TPD52L2: variants seen among roughly 807,000 people sequenced by gnomAD.
The protein encoded by TPD52L2 is TPD52 like 2, also known as tumor protein D54.
TPD52L2 carries 19 observed loss-of-function variants against 24.7 expected under a neutral mutation model. The observed-to-expected ratio is 0.77, with a 90% CI of 0.54 to 1.13. The LOEUF (loss-of-function observed/expected upper bound fraction) is 1.13. Ranked by LOEUF, TPD52L2 falls within the 50% of genes most tolerant of loss-of-function variation. The pLI is 0.00. For synonymous variants in TPD52L2, 104 were observed against 100.2 expected (o/e 1.04, Z -0.23); for missense variants, 236 against 250.4 (o/e 0.94, Z 0.39).
At chr20:63,867,394 C>T (rs1389201438) in intron 1 of TPD52L2, among the ~76,000 whole-genome samples, 3 of 152,036 alleles carry the variant, frequency 2.0e-5, no homozygotes, top group South Asian at 2.1e-4. Flanking sequence ...GCCAAAACCC[C>T]GTCTCTACTA....
At chr20:63,872,589 G>A (rs182976155) in intron 2 of TPD52L2, among the ~76,000 whole-genome samples, 21 of 152,070 alleles carry the variant, frequency 1.4e-4, no homozygotes, top group Non-Finnish European at 2.5e-4. Context: ...TGTTGGCCAG[G>A]CTGGTCTCAA....
intron 2 of TPD52L2, among the ~76,000 whole-genome samples, chr20:63,870,843 G>C (rs971593997): frequency 1.3e-5 from 2 of 149,692 alleles, no homozygotes; most frequent in Non-Finnish European, 3.0e-5. Context: ...TCAGCCTCCC[G>C]AATATCTGGG....
At position 63,871,372 on chromosome 20, in the gene TPD52L2, C is replaced by T. The variant is rs138194265; in HGVS notation, c.165+1931C>T. On this transcript the variant is annotated intron_variant, in intron 2 of 6. Transcript: ENST00000346249. The stretch of plus-strand genomic sequence containing the variant: ...AAGAGAATTTTTTTTTTTTTAAGGA[C>T]GGAGTCTCACTCTGTCGCCCAGGCT... 5.1e-3 allele frequency among the ~76,000 whole-genome samples: 765 copies of T among 149,860 alleles called. 6 individuals carry two copies. The highest frequency in any genetic ancestry group is 0.018 in the African/African-American group (720 of 40,570).
At chr20:63,886,015 G>A (rs2053080139) in intron 5 of TPD52L2, 1 of 1,614,166 alleles carries the variant, frequency 6.2e-7, no homozygotes, top group Non-Finnish European at 8.5e-7. Flanking sequence ...CCACCTTCCA[G>A]GGCTCATCCA....
intron 1 of TPD52L2, among the ~76,000 whole-genome samples, chr20:63,866,931 T>A (rs577992600): frequency 6.6e-6 from 1 of 151,634 alleles, no homozygotes; most frequent in Non-Finnish European, 1.5e-5. Context: ...AGGCGCACCA[T>A]GCCAGGTTAA....
At chr20:63,868,364 A>G (rs1194574365) in intron 1 of TPD52L2, among the ~76,000 whole-genome samples, 1 of 152,240 alleles carries the variant, frequency 6.6e-6, no homozygotes, top group Non-Finnish European at 1.5e-5. Flanking sequence ...ATTTGACATG[A>G]AGAAAAAACA....
chr20:63,880,978 A>C (rs1158740675), intron 4 of TPD52L2, among the ~76,000 whole-genome samples: 1 of 152,104 alleles, frequency 6.6e-6, no homozygotes, highest in Non-Finnish European at 1.5e-5. Context: ...TAATAAAAGA[A>C]GAAAAAATTT....
At chr20:63,869,556 C>T (rs1475349743) in intron 2 of TPD52L2, 115 bp downstream of exon 2, 3 of 1,329,900 alleles carry the variant, frequency 2.3e-6, no homozygotes, top group African/African-American at 1.4e-5. Flanking sequence ...TGGTCACCTA[C>T]CCTGCTCTGT....
chr20:63,888,274 CTCT>C (rs1212928251), intron 5 of TPD52L2: 1 of 153,666 alleles, frequency 6.5e-6, no homozygotes, highest in Non-Finnish European at 1.4e-5. Context: ...CTGCTTTCTC[CTCT>C]TGTCTCCTTA....
At position 63,869,464 on chromosome 20, in the gene TPD52L2, C is replaced by T. The variant is rs111465230; in HGVS notation, c.165+23C>T. ...AAGGTGCTGTGGCTTGGCTGTCTGT[C>T]CTGGGGTGAATTGGAGTTAAGGCCC... is the stretch of plus-strand genomic sequence containing the variant. On this transcript the variant is annotated intron_variant, in intron 2 of 6. Transcript: ENST00000346249. The T allele has an allele frequency of 1.3e-5, 21 of 1,612,074 alleles. No homozygotes were observed. In the African/African-American group the frequency reaches 1.5e-4, roughly 11 times the overall value.
At chr20:63,886,398 T>C (rs964987323) in intron 5 of TPD52L2, among the ~76,000 whole-genome samples, 2 of 151,740 alleles carry the variant, frequency 1.3e-5, no homozygotes, top group East Asian at 1.9e-4. Flanking sequence ...TCTTGCTCTG[T>C]CGCCCAGGTT....
chr20:63,881,447 A>C (rs374076116), intron 4 of TPD52L2, among the ~76,000 whole-genome samples: 1 of 152,050 alleles, frequency 6.6e-6, no homozygotes, highest in East Asian at 1.9e-4. Context: ...ATGCGCTGCC[A>C]GGGCACACTT....
chr20:63,886,183 A>C lies in TPD52L2; in HGVS notation c.477-3007A>C, dbSNP rs1463392145. The C allele has an allele frequency of 1.1e-5, 9 of 840,438 alleles. No individual in the cohort carries two copies. In the African/African-American group the frequency reaches 1.2e-4, roughly 11 times the overall value. 52.1% of individuals were successfully genotyped at this position (840,438 alleles called of 1,614,324 possible). A position where few individuals can be genotyped will look rare whatever the true frequency, so the allele number is the denominator to read the frequency against. On this transcript the variant is annotated intron_variant, in intron 5 of 6. Coordinates refer to ENST00000346249, the MANE Select transcript of TPD52L2 (RefSeq NM_003288.4). ...CCCTTCCAGGACAGCAGTGCCAGCC[A>C]GGTGGTTGCTGCATCTCAGGGAACA...
At chr20:63,887,671 C>T in intron 5 of TPD52L2, 6 of 1,507,834 alleles carry the variant, frequency 4.0e-6, no homozygotes, top group East Asian at 2.3e-5. Context: ...GGGCAGCTCC[C>T]GCCGGTTACA....
intron 5 of TPD52L2, among the ~76,000 whole-genome samples, chr20:63,884,066 C>A (rs906552491): frequency 5.9e-5 from 9 of 152,172 alleles, no homozygotes; most frequent in African/African-American, 1.9e-4. Flanking sequence ...TCTACCTTCC[C>A]ATCCCTGCAA....
chr20:63,886,410 G>A (rs991541879), intron 5 of TPD52L2, among the ~76,000 whole-genome samples: 9 of 151,948 alleles, frequency 5.9e-5, no homozygotes, highest in East Asian at 1.9e-4. Flanking sequence ...GCCCAGGTTG[G>A]AGTGCCGTGG....
Position 63,869,257 on chromosome 20 carries a change from CTTAT to C in TPD52L2, c.20-36_20-33del, listed in dbSNP as rs748893546. ...CTCTACCGTATTTACTTGGAACTAA[CTTAT>C]TTGACACTTTGTGGCCTCATTTTGT... On this transcript the variant is annotated intron_variant, in intron 1 of 6. Transcript: ENST00000346249. The C allele has an allele frequency of 1.9e-6, 3 of 1,612,078 alleles. No individual in the cohort carries two copies. In the South Asian group the frequency reaches 3.3e-5, roughly 18 times the overall value.
rs1311666623 is a variant in TPD52L2, at chr20:63,891,489, GTTA to G, written c.*1549_*1551del. 6.6e-6 allele frequency: 1 copy of G among 152,266 alleles called. No homozygotes were observed. The highest frequency in any genetic ancestry group is 2.4e-5 in the African/African-American group (1 of 41,454). The allele number at this position is 152,266 out of a possible 1,614,324, so 9.4% of individuals were successfully genotyped here. On this transcript the variant is annotated 3_prime_UTR_variant, in exon 7 of 7. Coordinates refer to ENST00000346249, the MANE Select transcript of TPD52L2 (RefSeq NM_003288.4). This position sits in a 1 kb window ranked among gnomAD's most constrained non-coding sequence, Gnocchi z 4.7. Reference sequence around the variant, plus strand: ...TTGACCGATGTATCTTTTCCTTAAAGTTATTATAATAATGGGTAATTTGTCAAT... The same window carrying G: ...TTGACCGATGTATCTTTTCCTTAAAGTTATAATAATGGGTAATTTGTCAAT...
Position 63,877,028 on chromosome 20 carries a change from G to A in TPD52L2, c.374+1153G>A, listed in dbSNP as rs997155074. 2.3e-6 allele frequency: 1 copy of A among 443,352 alleles called. No individual in the cohort carries two copies. The highest frequency in any genetic ancestry group is 2.0e-5 in the African/African-American group (1 of 48,944). 27.5% of individuals were successfully genotyped at this position (443,352 alleles called of 1,614,324 possible). A position where few individuals can be genotyped will look rare whatever the true frequency, so the allele number is the denominator to read the frequency against. ...ATGTTGCCCTGGGTTTTTTTTGTTTGTTTGGTTTTTTTTTTGAGACAACGT... is the reference window on the plus strand; with the variant it reads ...ATGTTGCCCTGGGTTTTTTTTGTTTATTTGGTTTTTTTTTTGAGACAACGT... On this transcript the variant is annotated intron_variant, in intron 4 of 6. Transcript: ENST00000346249. The surrounding 1 kb of genome is among the most constrained non-coding windows in gnomAD (Gnocchi z 4.1).
Sources: allele counts gnomAD v4.1 joint callset (sites outside exome capture counted in the v4.1 genomes callset), GRCh38; gene constraint gnomAD v4.1.1; non-coding constraint Gnocchi (gnomAD v3.1); transcripts MANE v1.5; gene names NCBI Gene and HGNC (gene_info 2026-07-23, HGNC 2026-07-21).